The following DPP10 variants were observed in gnomAD, a reference collection of about 807,000 sequenced individuals.
The protein encoded by DPP10 is dipeptidyl peptidase like 10.
DPP10 carries 33 observed loss-of-function variants against 120.9 expected under a neutral mutation model. The ratio of observed to expected loss-of-function variants is 0.27; its 90% CI spans 0.21 to 0.37. The LOEUF (loss-of-function observed/expected upper bound fraction) is 0.37. Among genes scored for constraint, DPP10 ranks in the 10% least tolerant of loss-of-function variants. The pLI is 1.00. For missense variants in DPP10, 816 were observed against 942.8 expected (o/e 0.87, Z 1.76); for synonymous variants, 337 against 326.1 (o/e 1.03, Z -0.36).
chr2:115,099,697 C>T (rs931154972), intron 1 of DPP10, among the ~76,000 whole-genome samples: 5 of 152,186 alleles, frequency 3.3e-5, no homozygotes, highest in African/African-American at 1.2e-4. Context: ...TGTACTCATA[C>T]ACAATGGTCC....
chr2:114,717,066 T>A (rs1701396558), intron 1 of DPP10, among the ~76,000 whole-genome samples: 1 of 152,228 alleles, frequency 6.6e-6, no homozygotes, highest in Non-Finnish European at 1.5e-5. Flanking sequence ...GTTCATTCAA[T>A]CATCAACGCA....
Position 115,072,517 on chromosome 2 carries a change from C to G in DPP10, c.61-236722C>G, listed in dbSNP as rs143693179. ...GCTGCTATTCTGCCTTCTTTGTGAG[C>G]CAATTATGAATCTATCTTCAGAAAA... is the stretch of plus-strand genomic sequence containing the variant. On this transcript the variant is annotated intron_variant, in intron 1 of 25. Transcript: ENST00000410059. Among the ~76,000 whole-genome samples, 5 of 152,186 alleles carry G rather than the reference C, an allele frequency of 3.3e-5. No individual in the cohort carries two copies. In the East Asian group the frequency reaches 9.7e-4, roughly 29 times the overall value.
intron 3 of DPP10, among the ~76,000 whole-genome samples, chr2:115,411,067 T>A (rs1410107936): frequency 6.6e-6 from 1 of 152,216 alleles, no homozygotes; most frequent in African/African-American, 2.4e-5. Flanking sequence ...CAGTAGCTCA[T>A]GCCTGTAATC....
chr2:114,559,533 G>A (rs1688584971), intron 1 of DPP10, among the ~76,000 whole-genome samples: 1 of 152,276 alleles, frequency 6.6e-6, no homozygotes, highest in East Asian at 1.9e-4. Flanking sequence ...CACTAATTTT[G>A]TGGTAATTTG....
intron 1 of DPP10, among the ~76,000 whole-genome samples, chr2:114,954,894 A>T (rs1427160281): frequency 6.6e-6 from 1 of 152,200 alleles, no homozygotes; most frequent in Non-Finnish European, 1.5e-5. Flanking sequence ...AAATGTATAA[A>T]CTACAAAGAT....
At chr2:115,815,143 T>C (rs1451014295) in intron 20 of DPP10, among the ~76,000 whole-genome samples, 156 bp downstream of exon 20, 1 of 152,170 alleles carries the variant, frequency 6.6e-6, no homozygotes, top group Non-Finnish European at 1.5e-5. Flanking sequence ...TTTTTTGAAG[T>C]ACCTGTCACC....
chr2:115,777,493 G>GCA lies in DPP10; in HGVS notation c.1313+207_1313+208dup, dbSNP rs144383890. The stretch of plus-strand genomic sequence containing the variant: ...CACAGAGGGATGTGTGTGTGCACAC[G>GCA]CACACACACACACATATACTCACAC... On this transcript the variant is annotated intron_variant, in intron 14 of 25. Coordinates refer to ENST00000410059, the MANE Select transcript of DPP10 (RefSeq NM_020868.6). Among the ~76,000 whole-genome samples, 30 of 150,950 alleles carry GCA rather than the reference G, an allele frequency of 2.0e-4. No individual in the cohort carries two copies. In the East Asian group the frequency reaches 2.5e-3, roughly 13 times the overall value.
At chr2:115,523,078 C>G (rs1365146966) in intron 4 of DPP10, among the ~76,000 whole-genome samples, 2 of 152,136 alleles carry the variant, frequency 1.3e-5, no homozygotes, top group Non-Finnish European at 2.9e-5. Context: ...CAGTAAGTTT[C>G]TCTGCAGCAT....
intron 2 of DPP10, among the ~76,000 whole-genome samples, chr2:115,318,949 G>A (rs751596229): frequency 3.9e-5 from 6 of 152,088 alleles, no homozygotes; most frequent in Admixed American, 6.6e-5. Flanking sequence ...CCAGTACAAT[G>A]CTGGATAACA....
At chr2:115,838,868 A>G (rs752213085) in intron 24 of DPP10, among the ~76,000 whole-genome samples, 30 of 152,220 alleles carry the variant, frequency 2.0e-4, no homozygotes, top group Non-Finnish European at 2.8e-4. Context: ...ATAGGTGCTC[A>G]GTCATGACAC....
intron 1 of DPP10, among the ~76,000 whole-genome samples, chr2:114,839,485 A>G (rs1215923257): frequency 1.3e-5 from 2 of 152,224 alleles, no homozygotes; most frequent in African/African-American, 2.4e-5. Context: ...AAGAATAATT[A>G]CTGCCTATTG....
intron 2 of DPP10, among the ~76,000 whole-genome samples, chr2:115,340,313 A>T (rs1474548076): frequency 6.6e-6 from 1 of 152,156 alleles, no homozygotes; most frequent in Non-Finnish European, 1.5e-5. Context: ...TTCTGTTCAC[A>T]ATACCAAACT....
chr2:114,814,347 T>C (rs984723975), intron 1 of DPP10, among the ~76,000 whole-genome samples: 1 of 152,058 alleles, frequency 6.6e-6, no homozygotes, highest in Non-Finnish European at 1.5e-5. Flanking sequence ...GAAGACTTAT[T>C]ATTCCCCTTC....
At chr2:115,553,745 C>A (rs2080024359) in intron 5 of DPP10, among the ~76,000 whole-genome samples, 1 of 151,776 alleles carries the variant, frequency 6.6e-6, no homozygotes, top group African/African-American at 2.4e-5. Context: ...ACACCACAAC[C>A]ATGATTTGGA....
chr2:115,753,787 A>G (rs1441724253), intron 11 of DPP10, among the ~76,000 whole-genome samples: 1 of 152,180 alleles, frequency 6.6e-6, no homozygotes, highest in African/African-American at 2.4e-5. Context: ...ATCAGGTTAT[A>G]TTTCAATTCT....
intron 1 of DPP10, among the ~76,000 whole-genome samples, chr2:114,886,058 G>A (rs1346711260): frequency 1.3e-5 from 2 of 152,108 alleles, no homozygotes; most frequent in South Asian, 2.1e-4. Context: ...TAAACTTATA[G>A]GTCTTTAGAT....
chr2:115,151,801 T>C (rs1209907587), intron 1 of DPP10, among the ~76,000 whole-genome samples: 1 of 151,738 alleles, frequency 6.6e-6, no homozygotes, highest in Non-Finnish European at 1.5e-5. Flanking sequence ...CCATCTATAA[T>C]ACATGTCACA....
intron 2 of DPP10, among the ~76,000 whole-genome samples, chr2:115,311,227 A>C (rs1345872446): frequency 6.6e-6 from 1 of 152,124 alleles, no homozygotes; most frequent in Non-Finnish European, 1.5e-5. Context: ...CTCTCACTTT[A>C]CTCATCTGCA....
rs902148043 is a variant in DPP10 at position 115,699,090 on chromosome 2, G to A, written c.576+9169G>A. Among the ~76,000 whole-genome samples, 5 of 138,860 alleles carry A rather than the reference G, an allele frequency of 3.6e-5. No homozygotes were observed. The East Asian group carries it at 8.7e-4, about 24-fold the overall frequency. The allele number at this position is 138,860 out of a possible 152,430, so 91.1% of individuals were successfully genotyped here. A position where few individuals can be genotyped will look rare whatever the true frequency, so the allele number is the denominator to read the frequency against. ...ATTCCTAAAATCAGATTGAAAGTGG[G>A]GATATTATGACCGTTTCTACACAAA... On this transcript the variant is annotated intron_variant, in intron 7 of 25. Coordinates refer to ENST00000410059, the MANE Select transcript of DPP10 (RefSeq NM_020868.6).
Sources: allele counts gnomAD v4.1 joint callset (sites outside exome capture counted in the v4.1 genomes callset), GRCh38; gene constraint gnomAD v4.1.1; transcripts MANE v1.5; gene names NCBI Gene and HGNC (gene_info 2026-07-23, HGNC 2026-07-21).